The following CMTM1 variants were observed in gnomAD, a reference collection of about 807,000 sequenced individuals.
CMTM1 encodes the protein CKLF-like MARVEL transmembrane domain-containing protein 1.
CMTM1 carries 16 observed loss-of-function variants against 17.8 expected under a neutral mutation model. The ratio of observed to expected loss-of-function variants is 0.90; its 90% confidence interval spans 0.61 to 1.37. The LOEUF is 1.37. Among genes scored for constraint, CMTM1 ranks in the 40% most tolerant of loss-of-function variants. The pLI is 0.00. For synonymous variants in CMTM1, 169 were observed against 154.6 expected (o/e 1.09, Z -0.69); for missense variants, 354 against 375.6 (o/e 0.94, Z 0.47).
chr16:66,567,600 T>G (rs1239345677), intron 1 of CMTM1, among the ~76,000 whole-genome samples: 4 of 152,008 alleles, frequency 2.6e-5, no homozygotes, highest in African/African-American at 7.3e-5. Flanking sequence ...ACAAAGGAAA[T>G]TAGGGAAGCA....
At chr16:66,567,155 T>A in intron 1 of CMTM1, 1 of 117,434 alleles carries the variant, frequency 8.5e-6, no homozygotes, top group Non-Finnish European at 1.6e-5. Flanking sequence ...CTATTTTTTC[T>A]TTTTTTTTTT....
chr16:66,572,082 G>A (rs939373506), intron 2 of CMTM1, among the ~76,000 whole-genome samples: 15 of 152,116 alleles, frequency 9.9e-5, no homozygotes, highest in African/African-American at 2.2e-4. Flanking sequence ...GAGGTGATTC[G>A]GAGCCCCTGT....
At chr16:66,569,480 T>A (rs2013157437) in intron 1 of CMTM1, among the ~76,000 whole-genome samples, 1 of 152,194 alleles carries the variant, frequency 6.6e-6, no homozygotes. Context: ...ATCTGAGAAT[T>A]TAGTATACAA....
chr16:66,576,344 G>C (rs1209648190), intron 2 of CMTM1, among the ~76,000 whole-genome samples: 2 of 151,818 alleles, frequency 1.3e-5, no homozygotes, highest in Non-Finnish European at 2.9e-5. Flanking sequence ...GTTGCAATGA[G>C]CCAAGATCGC....
At chr16:66,577,695 C>G (rs2144684214) in intron 3 of CMTM1, among the ~76,000 whole-genome samples, 1 of 152,314 alleles carries the variant, frequency 6.6e-6, no homozygotes, top group South Asian at 2.1e-4. Context: ...GCAGGGCACA[C>G]TCTGACTTAA....
rs760152037 is a variant in CMTM1, at chr16:66,566,784, C to T, written c.271C>T (p.Leu91Phe). ...ATTRPPPKPT[L>F]PPPTPSAHTE... ...CACACGCCCACCCCCAAAGCCCACA[C>T]TCCCACCCCCCACGCCCTCTGCACA... The change falls in exon 1 of 4, where the codon CTC (leucine) becomes TTC (phenylalanine). Residue 91 changes from leucine (L) to phenylalanine (F), a missense_variant. By Grantham distance (22) the Leu-to-Phe change is conservative. Transcript: ENST00000379500. The surrounding 1 kb of genome is among the most constrained non-coding windows in gnomAD (Gnocchi z 4.9). The T allele has an allele frequency of 1.1e-5, 17 of 1,613,202 alleles. 1 individual carries two copies. In the East Asian group the frequency reaches 1.8e-4, roughly 17 times the overall value.
intron 1 of CMTM1, chr16:66,567,262 C>T (rs1342421687): frequency 2.3e-6 from 1 of 430,388 alleles, no homozygotes; most frequent in African/African-American, 2.0e-5. Flanking sequence ...CACCCATCAA[C>T]TCGTCACCTA....
rs569712351 is a variant in CMTM1, at chr16:66,566,714, A to C, written c.201A>C (p.Ala67=). ...GCAGTGCGCAGTCCGCAGCCGCCGC[A>C]CGTCCCCAAGGCAGTGAGGGCACCG... ...SIRSAQSAAA[A]RPQGSEGTAP... is the part of the protein sequence containing the mutation. The change falls in exon 1 of 4, where the codon GCA becomes GCC. Residue 67 remains alanine (A), a synonymous_variant. Transcript: ENST00000379500. The surrounding 1 kb of genome is among the most constrained non-coding windows in gnomAD (Gnocchi z 4.9). 6.8e-6 allele frequency: 11 copies of C among 1,613,998 alleles called. No individual in the cohort carries two copies. In the South Asian group the frequency reaches 1.1e-4, roughly 16 times the overall value.
chr16:66,566,810 C>T lies in CMTM1; in HGVS notation c.297C>T (p.His99=). Residue 99 remains histidine (H), a synonymous_variant, in exon 1 of 4, where the codon CAC becomes CAT. Transcript: ENST00000379500. This position sits in a 1 kb window ranked among gnomAD's most constrained non-coding sequence, Gnocchi z 4.9. ...PTLPPPTPSA[H]TESKLLNEMA... ...TCCCACCCCCCACGCCCTCTGCACA[C>T]ACTGAATCCAAACTCTTAAATGAGA... 4 of 1,612,926 alleles carry T rather than the reference C, an allele frequency of 2.5e-6. No individual in the cohort carries two copies. The highest frequency in any genetic ancestry group is 2.5e-6 in the Non-Finnish European group (3 of 1,179,934).
At chr16:66,572,978 G>A (rs542300532) in intron 2 of CMTM1, among the ~76,000 whole-genome samples, 1 of 152,270 alleles carries the variant, frequency 6.6e-6, no homozygotes, top group East Asian at 1.9e-4. Context: ...TGGGCTCTGG[G>A]ACCATATTTT....
At chr16:66,568,666 A>G (rs2012993063) in intron 1 of CMTM1, among the ~76,000 whole-genome samples, 1 of 152,126 alleles carries the variant, frequency 6.6e-6, no homozygotes. Context: ...GTAGGCAGAT[A>G]ACCTCAGTCA....
intron 1 of CMTM1, 139 bp from the exon 2 acceptor site, chr16:66,569,792 ATTTCT>A: frequency 1.7e-6 from 1 of 575,504 alleles, no homozygotes; most frequent in South Asian, 2.7e-5. Context: ...CATGTATTTC[ATTTCT>A]TCAAAATGTA....
intron 3 of CMTM1, 130 bp downstream of exon 3, chr16:66,577,332 A>G: frequency 1.6e-6 from 1 of 643,270 alleles, no homozygotes; most frequent in South Asian, 2.3e-5. Flanking sequence ...TCTTGCACTG[A>G]CTTCTTCAGG....
rs376539260 is a variant in CMTM1 at position 66,566,793 on chromosome 16, C to G, written c.280C>G (p.Pro94Ala). 45 of 1,613,366 alleles carry G rather than the reference C, an allele frequency of 2.8e-5. 1 individual carries two copies. The highest frequency in any genetic ancestry group is 1.3e-4 in the East Asian group (6 of 44,858). ...ACCCCCAAAGCCCACACTCCCACCC[C>G]CCACGCCCTCTGCACACACTGAATC... ...RPPPKPTLPP[P>A]TPSAHTESKL... Residue 94 changes from proline (P) to alanine (A), a missense_variant, in exon 1 of 4, where the codon CCC becomes GCC. Physicochemically the swap from Pro to Ala is conservative, Grantham distance 27. Transcript: ENST00000379500. The surrounding 1 kb of genome is among the most constrained non-coding windows in gnomAD (Gnocchi z 4.9).
In CMTM1 at chr16:66,566,908, CCTT is replaced by C. The variant is rs1359180321; in HGVS notation, c.398_400del (p.Phe133del). 17 of 1,613,938 alleles carry C rather than the reference CCTT, an allele frequency of 1.1e-5. 1 individual carries two copies. The highest frequency in any genetic ancestry group is 5.5e-5 in the South Asian group (5 of 91,074). ...TTCAGGGACAGCCTCAAACGTTTCT[CCTT>C]CTCGCCCACTGGAATGTTGAAGATC... is the stretch of plus-strand genomic sequence containing the variant. On this transcript the variant is annotated inframe_deletion, in exon 1 of 4. Transcript: ENST00000379500. The surrounding 1 kb of genome is among the most constrained non-coding windows in gnomAD (Gnocchi z 4.9).
chr16:66,574,061 T>A (rs2144656392), intron 2 of CMTM1, among the ~76,000 whole-genome samples: 1 of 152,200 alleles, frequency 6.6e-6, no homozygotes, highest in South Asian at 2.1e-4. Flanking sequence ...CATCTTTCTC[T>A]TTCCTACTTA....
At chr16:66,578,161 C>T (rs1054072654) in intron 3 of CMTM1, among the ~76,000 whole-genome samples, 2 of 152,176 alleles carry the variant, frequency 1.3e-5, no homozygotes, top group Admixed American at 6.5e-5. Context: ...CGGCTGACTC[C>T]GCTATCACTC....
At chr16:66,576,694 C>T (rs1293719863) in intron 2 of CMTM1, among the ~76,000 whole-genome samples, 3 of 152,064 alleles carry the variant, frequency 2.0e-5, no homozygotes, top group African/African-American at 4.8e-5. Context: ...TATATTAAAA[C>T]AAATGAGTTA....
At chr16:66,571,298 C>A in intron 2 of CMTM1, 2 of 413,304 alleles carry the variant, frequency 4.8e-6, no homozygotes, top group Non-Finnish European at 9.6e-6. Flanking sequence ...GAGCATATAC[C>A]ATGTGCCAGA....
Sources: allele counts gnomAD v4.1 joint callset (sites outside exome capture counted in the v4.1 genomes callset), GRCh38; gene constraint gnomAD v4.1.1; non-coding constraint Gnocchi (gnomAD v3.1); transcripts MANE v1.5; gene names NCBI Gene and HGNC (gene_info 2026-07-23, HGNC 2026-07-21).